The following SH3GL3 variants were observed in gnomAD, a reference collection of about 807,000 sequenced individuals.
SH3GL3 encodes SH3 domain containing GRB2 like 3, endophilin A3.
In SH3GL3, 33 loss-of-function variants were observed where a neutral mutation model predicts 47.7. The observed-to-expected ratio is 0.69, with a 90% confidence interval of 0.52 to 0.92. SH3GL3 has a LOEUF of 0.92. Among genes scored for constraint, SH3GL3 ranks in the 40% least tolerant of loss-of-function variants. The pLI is 0.00. For missense variants in SH3GL3, 363 were observed against 417.8 expected (o/e 0.87, Z 1.14); for synonymous variants, 155 against 148.8 (o/e 1.04, Z -0.30).
intron 8 of SH3GL3, among the ~76,000 whole-genome samples, chr15:83,617,631 G>A (rs1413149456): frequency 1.3e-5 from 2 of 152,100 alleles, no homozygotes; most frequent in East Asian, 1.9e-4. Flanking sequence ...AGCCAGGATC[G>A]CACCATTGCA....
rs927047169 is a variant in SH3GL3 at position 83,618,382 on chromosome 15, T to C, written c.*95T>C. 20 of 764,598 alleles carry C rather than the reference T, an allele frequency of 2.6e-5. No homozygotes were observed. The Admixed American group carries it at 3.0e-4, about 12-fold the overall frequency. 47.4% of individuals were successfully genotyped at this position (764,598 alleles called of 1,614,324 possible). A position where few individuals can be genotyped will look rare whatever the true frequency, so the allele number is the denominator to read the frequency against. On this transcript the variant is annotated 3_prime_UTR_variant, in exon 9 of 9. Transcript: ENST00000427482. ...GTGTTCTGTGACATCCTTTGCTCTCTGACCAACTTAATGACTTTTGTATGT... is the reference window on the plus strand; with the variant it reads ...GTGTTCTGTGACATCCTTTGCTCTCCGACCAACTTAATGACTTTTGTATGT...
intron 8 of SH3GL3, among the ~76,000 whole-genome samples, chr15:83,609,007 C>T (rs1449762720): frequency 6.6e-6 from 1 of 152,040 alleles, no homozygotes; most frequent in Non-Finnish European, 1.5e-5. Context: ...ATAAGCCCAC[C>T]CAGCCCAAAG....
In SH3GL3 at chr15:83,486,029, A is replaced by G. The variant is rs546413467; in HGVS notation, c.45+38451A>G. ...CCCAATACTTCAGTATGCACATCTG[A>G]AAAATAAGGGCCTTTCTCTTAGGCC... On this transcript the variant is annotated intron_variant, in intron 1 of 8. Transcript: ENST00000427482. Among the ~76,000 whole-genome samples, 3 of 152,316 alleles carry G rather than the reference A, an allele frequency of 2.0e-5. No homozygotes were observed. The South Asian group carries it at 6.2e-4, about 32-fold the overall frequency.
intron 4 of SH3GL3, among the ~76,000 whole-genome samples, chr15:83,569,541 C>T (rs1427725724): frequency 6.6e-6 from 1 of 152,104 alleles, no homozygotes; most frequent in Non-Finnish European, 1.5e-5. Context: ...ATTGCTGAGT[C>T]AAGAGTATGC....
chr15:83,503,090 T>A (rs540666711), intron 1 of SH3GL3, among the ~76,000 whole-genome samples: 1 of 152,336 alleles, frequency 6.6e-6, no homozygotes, highest in South Asian at 2.1e-4. Flanking sequence ...GTTCATTATT[T>A]TGGATTGTTT....
At chr15:83,504,179 G>A (rs2042397037) in intron 1 of SH3GL3, among the ~76,000 whole-genome samples, 1 of 152,220 alleles carries the variant, frequency 6.6e-6, no homozygotes, top group Non-Finnish European at 1.5e-5. Context: ...CCTTGGAACA[G>A]TGCATAGAAT....
intron 1 of SH3GL3, among the ~76,000 whole-genome samples, chr15:83,546,298 C>G (rs1161425250): frequency 6.6e-6 from 1 of 151,758 alleles, no homozygotes; most frequent in Non-Finnish European, 1.5e-5. Context: ...GAGTCTCTGC[C>G]CAGACAATCA....
intron 6 of SH3GL3, among the ~76,000 whole-genome samples, chr15:83,585,943 TC>T (rs755682150): frequency 6.6e-6 from 1 of 152,298 alleles, no homozygotes; most frequent in Non-Finnish European, 1.5e-5. Context: ...GAAGGCTAAG[TC>T]CATGGTTGGT....
intron 1 of SH3GL3, among the ~76,000 whole-genome samples, chr15:83,511,849 A>G (rs987683239): frequency 6.6e-5 from 10 of 151,694 alleles, no homozygotes; most frequent in Admixed American, 2.0e-4. Flanking sequence ...TACCATCCCC[A>G]CCCTGGACAG....
At chr15:83,547,394 C>T (rs539682887) in intron 1 of SH3GL3, among the ~76,000 whole-genome samples, 165 of 152,374 alleles carry the variant, frequency 1.1e-3, no homozygotes, top group African/African-American at 3.7e-3. Context: ...CTTTGCCCTT[C>T]CTCCCGCAAG....
At position 83,572,713 on chromosome 15, in the gene SH3GL3, G is replaced by A. The variant is rs769950564; in HGVS notation, c.465+15G>A. On this transcript the variant is annotated intron_variant, in intron 5 of 8. Coordinates refer to ENST00000427482, the MANE Select transcript of SH3GL3 (RefSeq NM_003027.5). ...AAGAGATCGGGGTAAGTCTTCCAGG[G>A]TATAAATATACCTGTTGCTACATAA... 5 of 1,566,110 alleles carry A rather than the reference G, an allele frequency of 3.2e-6. No individual in the cohort carries two copies. Among genetic ancestry groups the A allele is most frequent in the Admixed American group, 3.4e-5 (2 of 58,474 alleles).
At position 83,534,138 on chromosome 15, in the gene SH3GL3, C is replaced by T. The variant is rs113446755; in HGVS notation, c.46-25115C>T. On this transcript the variant is annotated intron_variant, in intron 1 of 8. Transcript: ENST00000427482. ...TGATTAGGCCATGAGGTCTTGCTCCCGTGAATGGAGAGAGTTTGGCCTCTA... is the reference window on the plus strand; with the variant it reads ...TGATTAGGCCATGAGGTCTTGCTCCTGTGAATGGAGAGAGTTTGGCCTCTA... Among the ~76,000 whole-genome samples, 78 of 152,218 alleles carry T rather than the reference C, an allele frequency of 5.1e-4. 1 individual carries two copies. The highest frequency in any genetic ancestry group is 1.7e-3 in the African/African-American group (70 of 41,550).
chr15:83,567,834 A>G (rs2151760338), intron 3 of SH3GL3, among the ~76,000 whole-genome samples: 1 of 152,304 alleles, frequency 6.6e-6, no homozygotes, highest in South Asian at 2.1e-4. Flanking sequence ...AGTGTCACAC[A>G]GGTGTCAGTG....
At chr15:83,512,172 A>G (rs748298743) in intron 1 of SH3GL3, among the ~76,000 whole-genome samples, 5 of 151,834 alleles carry the variant, frequency 3.3e-5, no homozygotes, top group Non-Finnish European at 5.9e-5. Flanking sequence ...TTAATGGGTG[A>G]CTTTTTAATT....
chr15:83,587,029 A>G lies in SH3GL3; in HGVS notation c.671A>G (p.Asp224Gly). ...GCTGTGTTCATAGAGGCAGCATTAG[A>G]CTATCACAGACAGTCCACAGAGATT... is the stretch of plus-strand genomic sequence containing the variant. ...QLAVFIEAAL[D>G]YHRQSTEILQ... is the part of the protein sequence containing the mutation. The change falls in exon 7 of 9, where the codon GAC becomes GGC. Residue 224 changes from aspartate (D) to glycine (G), a missense_variant. Physicochemically the swap from Asp to Gly is moderately conservative, Grantham distance 94 (BLOSUM62 -1). Coordinates refer to ENST00000427482, the MANE Select transcript of SH3GL3 (RefSeq NM_003027.5). 4 of 1,611,156 alleles carry G rather than the reference A, an allele frequency of 2.5e-6. No individual in the cohort carries two copies. The highest frequency in any genetic ancestry group is 3.4e-6 in the Non-Finnish European group (4 of 1,178,744).
Position 83,473,224 on chromosome 15 carries a change from TGGGTGGGG to T in SH3GL3, c.45+25654_45+25661del, listed in dbSNP as rs2040913867. Among the ~76,000 whole-genome samples, 4 of 8,084 alleles carry T rather than the reference TGGGTGGGG, an allele frequency of 4.9e-4. No homozygotes were observed. The South Asian group carries it at 0.012, about 24-fold the overall frequency. The allele number at this position is 8,084 out of a possible 152,430, so 5.3% of individuals were successfully genotyped here. A position where few individuals can be genotyped will look rare whatever the true frequency, so the allele number is the denominator to read the frequency against. On this transcript the variant is annotated intron_variant, in intron 1 of 8. Coordinates refer to ENST00000427482, the MANE Select transcript of SH3GL3 (RefSeq NM_003027.5). ...ACATGCTGTCCACTACCACCAAAGG[TGGGTGGGG>T]GGGTGGGTGGGTGTTGTTACTGCCT...
At chr15:83,516,592 G>A (rs948439167) in intron 1 of SH3GL3, among the ~76,000 whole-genome samples, 22 of 152,076 alleles carry the variant, frequency 1.4e-4, no homozygotes, top group Admixed American at 1.4e-3. Context: ...AGGAGCAGCA[G>A]GCACGTCACA....
chr15:83,462,511 T>C (rs1451712221), intron 1 of SH3GL3, among the ~76,000 whole-genome samples: 2 of 152,236 alleles, frequency 1.3e-5, no homozygotes, highest in Admixed American at 1.3e-4. Flanking sequence ...TTTAACCCAG[T>C]CATGGAATAC....
intron 1 of SH3GL3, among the ~76,000 whole-genome samples, chr15:83,534,452 C>A (rs144444055): frequency 6.6e-6 from 1 of 152,090 alleles, no homozygotes; most frequent in South Asian, 2.1e-4. Flanking sequence ...CCGAAAGATT[C>A]GAAACCTTTG....
Sources: allele counts gnomAD v4.1 joint callset (sites outside exome capture counted in the v4.1 genomes callset), GRCh38; gene constraint gnomAD v4.1.1; transcripts MANE v1.5; gene names NCBI Gene and HGNC (gene_info 2026-07-23, HGNC 2026-07-21).